The following WIPF3 variants were observed in gnomAD, a reference collection of about 807,000 sequenced individuals.
WIPF3 encodes WAS/WASL interacting protein family member 3, also known as WAS/WASL-interacting protein family member 3.
Under a neutral mutation model 38.9 loss-of-function variants are expected in WIPF3, and 33 were observed. The observed-to-expected ratio is 0.85, with a 90% CI of 0.64 to 1.14. The LOEUF is 1.14. Among genes scored for constraint, WIPF3 ranks in the 50% most tolerant of loss-of-function variants. WIPF3 has a pLI of 0.00. For synonymous variants in WIPF3, 324 were observed against 269.3 expected (o/e 1.20, Z -1.99); for missense variants, 711 against 652.5 (o/e 1.09, Z -0.98).
intron 2 of WIPF3, among the ~76,000 whole-genome samples, chr7:29,864,903 T>A (rs1178195223): frequency 2.6e-5 from 4 of 152,222 alleles, no homozygotes; most frequent in African/African-American, 9.6e-5. Context: ...GGGATTTCTT[T>A]TTATTGGATC....
chr7:29,858,535 C>T (rs1396442721), intron 2 of WIPF3, among the ~76,000 whole-genome samples: 2 of 152,202 alleles, frequency 1.3e-5, no homozygotes, highest in Non-Finnish European at 2.9e-5. Flanking sequence ...CCCCCTTATT[C>T]TGTTACAATG....
At chr7:29,843,804 G>GA (rs375319798) in intron 2 of WIPF3, among the ~76,000 whole-genome samples, 6 of 150,864 alleles carry the variant, frequency 4.0e-5, no homozygotes, top group South Asian at 2.1e-4. Flanking sequence ...TCATAAAAGG[G>GA]AAAAAAAAAC....
chr7:29,836,113 C>T (rs1784795850), intron 2 of WIPF3, among the ~76,000 whole-genome samples: 2 of 152,184 alleles, frequency 1.3e-5, no homozygotes, highest in Non-Finnish European at 2.9e-5. Context: ...GTATAAATTA[C>T]GTTTGAGAGC....
chr7:29,884,402 C>A lies in WIPF3; in HGVS notation c.908C>A (p.Ser303Tyr), dbSNP rs1785819793. ...CCGCTCCCCCCTTATGCTTCTTGCT[C>A]CCCGAGGGCTTCTTTGCCCGCGCCC... The part of the protein sequence containing the change: ...PPPLPPYASC[S>Y]PRASLPAPPL... Residue 303 changes from serine (S) to tyrosine (Y), a missense_variant, in exon 5 of 9, where the codon TCC becomes TAC. Ser to Tyr is a moderately radical substitution (Grantham distance 144). Coordinates refer to ENST00000242140, the MANE Select transcript of WIPF3 (RefSeq NM_001080529.3). 8.7e-7 allele frequency: 1 copy of A among 1,154,234 alleles called. No individual in the cohort carries two copies. The highest frequency in any genetic ancestry group is 1.1e-6 in the Non-Finnish European group (1 of 880,136). 71.5% of individuals were successfully genotyped at this position (1,154,234 alleles called of 1,614,324 possible). A position where few individuals can be genotyped will look rare whatever the true frequency, so the allele number is the denominator to read the frequency against.
At chr7:29,894,764 G>GACACACACACACAC (rs34105700) in intron 7 of WIPF3, among the ~76,000 whole-genome samples, 9 of 148,008 alleles carry the variant, frequency 6.1e-5, no homozygotes, top group African/African-American at 2.0e-4. Flanking sequence ...CTCTCTTTCT[G>GACACACACACACAC]ACACACACAC....
chr7:29,904,079 T>C (rs1786342755), intron 7 of WIPF3, among the ~76,000 whole-genome samples: 1 of 152,204 alleles, frequency 6.6e-6, no homozygotes, highest in Non-Finnish European at 1.5e-5. Flanking sequence ...CCTTAATAAT[T>C]TGTTCTCTTC....
intron 4 of WIPF3, among the ~76,000 whole-genome samples, chr7:29,879,967 G>C (rs1785682459): frequency 6.6e-6 from 1 of 152,198 alleles, no homozygotes; most frequent in Non-Finnish European, 1.5e-5. Context: ...TGGGGAAATA[G>C]ACTTCGCCTC....
intron 7 of WIPF3, among the ~76,000 whole-genome samples, chr7:29,890,354 C>CA (rs753546656): frequency 0.14 from 6,661 of 49,158 alleles, 187 homozygotes; most frequent in South Asian, 0.24. Context: ...TCTGTATCCA[C>CA]AAAAAAAAAA....
chr7:29,880,929 T>G (rs1785701943), intron 4 of WIPF3, among the ~76,000 whole-genome samples: 1 of 152,034 alleles, frequency 6.6e-6, no homozygotes, highest in African/African-American at 2.4e-5. Flanking sequence ...CCCTCTCTGA[T>G]CTTCTGGCCT....
At chr7:29,832,716 AAG>A (rs1229300725) in intron 1 of WIPF3, among the ~76,000 whole-genome samples, 9 of 152,154 alleles carry the variant, frequency 5.9e-5, no homozygotes, top group East Asian at 1.9e-4. Context: ...TTCCCCAAAA[AAG>A]TTGCACTGAC....
At position 29,875,977 on chromosome 7, in the gene WIPF3, G is replaced by A. The variant is rs2301922; in HGVS notation, c.223+15G>A. 1.4e-5 allele frequency: 22 copies of A among 1,610,944 alleles called. No homozygotes were observed. The highest frequency in any genetic ancestry group is 1.9e-4 in the Middle Eastern group (1 of 5,386). ...GCAGATCGAGAGTAAGTGAGCAGCC[G>A]GGCCAGGCCTCCTGTGAGCCAAAGA... is the stretch of plus-strand genomic sequence containing the variant. On this transcript the variant is annotated intron_variant, in intron 3 of 8. Transcript: ENST00000242140.
rs1785641355 is a variant in WIPF3, at chr7:29,878,132, C to A, written c.224-877C>A. 6.6e-6 allele frequency among the ~76,000 whole-genome samples: 1 copy of A among 152,170 alleles called. No individual in the cohort carries two copies. Among genetic ancestry groups the A allele is most frequent in the Non-Finnish European group, 1.5e-5 (1 of 68,026 alleles). On this transcript the variant is annotated intron_variant, in intron 3 of 8. Transcript: ENST00000242140. The surrounding 1 kb of genome is among the most constrained non-coding windows in gnomAD (Gnocchi z 4.0). ...CATTAAAAATTAGTTTCTGGTTAAA[C>A]CCATGATCGAATTGGTTAAGCCTAA...
At chr7:29,839,732 A>G (rs1282548188) in intron 2 of WIPF3, among the ~76,000 whole-genome samples, 1 of 152,202 alleles carries the variant, frequency 6.6e-6, no homozygotes, top group Non-Finnish European at 1.5e-5. Flanking sequence ...AAGAAAAGTA[A>G]TATTTTGTGA....
intron 1 of WIPF3, among the ~76,000 whole-genome samples, chr7:29,827,274 A>G (rs566777487): frequency 1.3e-5 from 2 of 152,302 alleles, no homozygotes; most frequent in African/African-American, 2.4e-5. Context: ...CATTTGGCCA[A>G]AAAGAGGACA....
intron 1 of WIPF3, among the ~76,000 whole-genome samples, chr7:29,808,751 G>T (rs1356700597): frequency 6.6e-6 from 1 of 152,018 alleles, no homozygotes; most frequent in Non-Finnish European, 1.5e-5. Context: ...ATAAGAACAG[G>T]GGAAAGCCAG....
At chr7:29,847,498 C>T (rs567093929) in intron 2 of WIPF3, among the ~76,000 whole-genome samples, 27 of 152,198 alleles carry the variant, frequency 1.8e-4, no homozygotes, top group Middle Eastern at 6.8e-3. Flanking sequence ...AAAGACCCAA[C>T]GATGTAGCGG....
intron 2 of WIPF3, among the ~76,000 whole-genome samples, chr7:29,864,798 C>T (rs78777182): frequency 0.011 from 1,623 of 152,290 alleles, 33 homozygotes; most frequent in African/African-American, 0.038. Flanking sequence ...CCCAGCATCG[C>T]CCAGCTTCTT....
At chr7:29,901,825 C>CAAAAA (rs869296187) in intron 7 of WIPF3, among the ~76,000 whole-genome samples, 10 of 82,542 alleles carry the variant, frequency 1.2e-4, no homozygotes, top group South Asian at 4.0e-4. Context: ...GTCCCTGTCT[C>CAAAAA]AAAAAAAAAA....
At chr7:29,880,979 T>G (rs917143) in intron 4 of WIPF3, among the ~76,000 whole-genome samples, 16,746 of 152,088 alleles carry the variant, frequency 0.11, 1,034 homozygotes, top group Middle Eastern at 0.2. Context: ...CCACTCACAC[T>G]ATCCTCCTTG....
Sources: allele counts gnomAD v4.1 joint callset (sites outside exome capture counted in the v4.1 genomes callset), GRCh38; gene constraint gnomAD v4.1.1; non-coding constraint Gnocchi (gnomAD v3.1); transcripts MANE v1.5; gene names NCBI Gene and HGNC (gene_info 2026-07-23, HGNC 2026-07-21).